Variants in LUC7L2 observed in about 807,000 individuals in gnomAD.
LUC7L2 encodes putative RNA-binding protein Luc7-like 2.
In LUC7L2, 25 loss-of-function variants were observed where a neutral mutation model predicts 52.8. That is an observed-to-expected ratio of 0.47 (90% CI 0.34 to 0.66). LUC7L2 has a LOEUF of 0.66. Among genes scored for constraint, LUC7L2 ranks in the 30% least tolerant of loss-of-function variants. The probability of loss-of-function intolerance (pLI) is 0.01; values close to 1 mark genes in which losing one functional copy is unlikely to be tolerated. For missense variants in LUC7L2, 328 were observed against 497.8 expected, an observed-to-expected ratio of 0.66 and a Z score of 3.25; for synonymous variants, 144 against 160.9, an observed-to-expected ratio of 0.89 and a Z score of 0.80.
chr7:139,406,435 C>G (rs1569390351), intron 5 of LUC7L2, among the ~76,000 whole-genome samples: 1 of 151,356 alleles, frequency 6.6e-6, no homozygotes, highest in Non-Finnish European at 1.5e-5. Context: ...TCACTGAAAC[C>G]TCTGCTTCCT....
chr7:139,386,752 A>G (rs1311367916), intron 2 of LUC7L2, among the ~76,000 whole-genome samples: 1 of 151,822 alleles, frequency 6.6e-6, no homozygotes, highest in Non-Finnish European at 1.5e-5. Flanking sequence ...TTTAGGCAAG[A>G]CCTAAATGCT....
At chr7:139,396,058 G>T (rs146824131) in intron 2 of LUC7L2, among the ~76,000 whole-genome samples, 47 of 152,304 alleles carry the variant, frequency 3.1e-4, no homozygotes, top group African/African-American at 1.1e-3. Flanking sequence ...TAAAATGGTT[G>T]TCAAAACAGT....
intron 8 of LUC7L2, chr7:139,416,040 AATATATATATATATATATATATATATAT>A (rs66498771): frequency 7.6e-4 from 74 of 97,848 alleles, no homozygotes; most frequent in South Asian, 4.4e-3. Context: ...TGAGGTATAA[AATATATATATATATATATATATATATAT>A]ATATATATAT....
intron 7 of LUC7L2, among the ~76,000 whole-genome samples, chr7:139,411,675 T>C (rs1413307683): frequency 6.6e-6 from 1 of 152,236 alleles, no homozygotes; most frequent in Non-Finnish European, 1.5e-5. Flanking sequence ...ATATTCACTT[T>C]ACATTTCATT....
rs568298983 is a variant in LUC7L2, at chr7:139,360,225, G to C, written c.-37G>C. On this transcript the variant is annotated 5_prime_UTR_variant, in exon 1 of 10. Coordinates refer to ENST00000354926, the MANE Select transcript of LUC7L2 (RefSeq NM_016019.5). The stretch of plus-strand genomic sequence containing the variant: ...CCCAGCCCAAAAGGGCCCGGTCTGC[G>C]CCCCACCCCCGCCCGTCCGCCCGCT... The C allele has an allele frequency of 6.6e-7, 1 of 1,522,490 alleles. No individual in the cohort carries two copies. The highest frequency in any genetic ancestry group is 8.9e-7 in the Non-Finnish European group (1 of 1,126,566). The allele number at this position is 1,522,490 out of a possible 1,614,324, so 94.3% of individuals were successfully genotyped here.
chr7:139,354,148 A>G (rs6963538), intron 1 of LUC7L2, among the ~76,000 whole-genome samples: 3,094 of 152,202 alleles, frequency 0.02, 46 homozygotes, highest in Middle Eastern at 0.044. Context: ...CAAACAGGAG[A>G]ACAAACTTCC....
intron 2 of LUC7L2, among the ~76,000 whole-genome samples, chr7:139,377,701 G>A (rs536823995): frequency 1.3e-5 from 2 of 151,404 alleles, no homozygotes; most frequent in Admixed American, 1.3e-4. Flanking sequence ...CCTAATTTTT[G>A]TATTTTTAGT....
At chr7:139,406,746 T>C (rs1795131029) in intron 5 of LUC7L2, among the ~76,000 whole-genome samples, 1 of 152,212 alleles carries the variant, frequency 6.6e-6, no homozygotes, top group Non-Finnish European at 1.5e-5. Flanking sequence ...ATAAAGTTGT[T>C]CATAGTGTTC....
intron 2 of LUC7L2, among the ~76,000 whole-genome samples, chr7:139,390,023 T>C (rs1431993531): frequency 6.6e-6 from 1 of 152,136 alleles, no homozygotes; most frequent in Non-Finnish European, 1.5e-5. Flanking sequence ...TGGTGTGGCA[T>C]GCACATGTAC....
At chr7:139,405,935 T>C in intron 5 of LUC7L2, 148 bp downstream of exon 5, 1 of 1,278,562 alleles carries the variant, frequency 7.8e-7, no homozygotes, top group Non-Finnish European at 1.0e-6. Context: ...GAAGTTGAAC[T>C]AAAAGACAAA....
At chr7:139,385,514 T>TCTAGC (rs1261016837) in intron 2 of LUC7L2, among the ~76,000 whole-genome samples, 1 of 151,970 alleles carries the variant, frequency 6.6e-6, no homozygotes, top group African/African-American at 2.4e-5. Context: ...AGAGAGAGAC[T>TCTAGC]CTCGCCATGC....
chr7:139,352,940 G>C, intron 1 of LUC7L2, among the ~76,000 whole-genome samples: 1 of 152,278 alleles, frequency 6.6e-6, no homozygotes, highest in African/African-American at 2.4e-5. Flanking sequence ...GCTCATGCTT[G>C]CAATCCCAGC....
intron 7 of LUC7L2, among the ~76,000 whole-genome samples, chr7:139,411,829 G>A (rs2131303531): frequency 6.6e-6 from 1 of 151,948 alleles, no homozygotes; most frequent in Non-Finnish European, 1.5e-5. Context: ...GTAGATCTCA[G>A]ACCATAGAAA....
At chr7:139,385,947 A>G (rs905965499) in intron 2 of LUC7L2, among the ~76,000 whole-genome samples, 3 of 152,248 alleles carry the variant, frequency 2.0e-5, no homozygotes, top group Non-Finnish European at 4.4e-5. Context: ...TTATAAATAC[A>G]TCATTTGGAG....
At chr7:139,358,629 T>C (rs1472019158), upstream of LUC7L2, among the ~76,000 whole-genome samples, 1 of 152,236 alleles carries the variant, frequency 6.6e-6, no homozygotes, top group African/African-American at 2.4e-5. Flanking sequence ...TCATTTTTCT[T>C]ACAGTTTTAG....
chr7:139,365,964 T>C (rs73154141), intron 1 of LUC7L2, among the ~76,000 whole-genome samples: 61 of 152,304 alleles, frequency 4.0e-4, no homozygotes, highest in Admixed American at 1.2e-3. Context: ...AGGGCCAAAA[T>C]AGGTCAGTTG....
At chr7:139,373,768 A>G (rs1363820082) in intron 1 of LUC7L2, among the ~76,000 whole-genome samples, 2 of 152,246 alleles carry the variant, frequency 1.3e-5, no homozygotes, top group Admixed American at 6.5e-5. Flanking sequence ...ATGTTTGATT[A>G]GTAAAACTCC....
At chr7:139,362,511 C>T (rs1799939896) in intron 1 of LUC7L2, among the ~76,000 whole-genome samples, 3 of 151,916 alleles carry the variant, frequency 2.0e-5, no homozygotes, top group Admixed American at 2.0e-4. Flanking sequence ...ACACAAACAG[C>T]CTATGGGAAC....
chr7:139,406,788 G>A (rs942622937), intron 5 of LUC7L2, among the ~76,000 whole-genome samples: 2 of 152,006 alleles, frequency 1.3e-5, no homozygotes, highest in Admixed American at 6.6e-5. Context: ...TTTGCAATTC[G>A]TGTCTTTTCT....
Sources: gnomAD v4.1 joint callset for allele counts (sites outside exome capture counted in the v4.1 genomes callset) on GRCh38, gnomAD v4.1.1 for gene constraint, MANE v1.5 for transcripts, NCBI Gene and HGNC (gene_info 2026-07-23, HGNC 2026-07-21) for gene names.